The following MGAT5 variants were observed in gnomAD, a reference collection of about 807,000 sequenced individuals.
The protein encoded by MGAT5 is alpha-1,6-mannosylglycoprotein 6-beta-N-acetylglucosaminyltransferase, also known as alpha-1,6-mannosylglycoprotein 6-beta-N-acetylglucosaminyltransferase A.
Under a neutral mutation model 94.3 loss-of-function variants are expected in MGAT5, and 30 were observed. The observed-to-expected ratio is 0.32, with a 90% CI of 0.24 to 0.43. The LOEUF (loss-of-function observed/expected upper bound fraction) is 0.43. MGAT5 is among the 20% of genes least tolerant of loss of function. The pLI, the probability that MGAT5 is intolerant of heterozygous loss-of-function variation, is 1.00. For missense variants in MGAT5, 691 were observed against 905.5 expected (o/e 0.76, Z 3.04); for synonymous variants, 310 against 322.9 (o/e 0.96, Z 0.43).
At chr2:134,291,823 G>A (rs988756457) in intron 2 of MGAT5, among the ~76,000 whole-genome samples, 1 of 152,220 alleles carries the variant, frequency 6.6e-6, no homozygotes, top group South Asian at 2.1e-4. Flanking sequence ...TAAAGTTTGG[G>A]CCCTGCTAGA....
intron 10 of MGAT5, among the ~76,000 whole-genome samples, chr2:134,367,442 C>G (rs1680508719): frequency 6.6e-6 from 1 of 152,254 alleles, no homozygotes; most frequent in Non-Finnish European, 1.5e-5. Context: ...TTACATTTTA[C>G]TGGAACATGG....
chr2:134,182,790 T>TTTG (rs1558974334), intron 1 of MGAT5, among the ~76,000 whole-genome samples: 1 of 144,062 alleles, frequency 6.9e-6, no homozygotes, highest in African/African-American at 2.6e-5. Context: ...GTTTTTTTTT[T>TTTG]TTTTTTTTTT....
chr2:134,145,288 T>G (rs1006339991), intron 1 of MGAT5, among the ~76,000 whole-genome samples: 2 of 151,684 alleles, frequency 1.3e-5, no homozygotes, highest in Non-Finnish European at 2.9e-5. Flanking sequence ...GGCTCACGCC[T>G]GTAATCCCAG....
intron 1 of MGAT5, among the ~76,000 whole-genome samples, chr2:134,153,411 A>G (rs928851827): frequency 5.3e-5 from 8 of 152,088 alleles, no homozygotes; most frequent in African/African-American, 1.9e-4. Flanking sequence ...TCTCCTGACT[A>G]ACTGTTTTAA....
At chr2:134,121,845 AAGAGACTCCC>A (rs1685607525) in intron 1 of MGAT5, among the ~76,000 whole-genome samples, 1 of 152,132 alleles carries the variant, frequency 6.6e-6, no homozygotes, top group Non-Finnish European at 1.5e-5. Context: ...TTTTTACTCC[AAGAGACTCCC>A]CAGCGTTAAT....
intron 1 of MGAT5, among the ~76,000 whole-genome samples, chr2:134,175,068 A>C (rs74670115): frequency 1.3e-5 from 2 of 152,156 alleles, no homozygotes; most frequent in Non-Finnish European, 2.9e-5. Context: ...GGGCCAGCCC[A>C]TATCTCCCTA....
At chr2:134,387,887 A>T (rs1325034851) in intron 10 of MGAT5, among the ~76,000 whole-genome samples, 1 of 152,228 alleles carries the variant, frequency 6.6e-6, no homozygotes, top group East Asian at 1.9e-4. Context: ...CTAAGAATGG[A>T]GACCTCCAAT....
intron 2 of MGAT5, among the ~76,000 whole-genome samples, chr2:134,276,195 A>G (rs1422063760): frequency 1.0e-5 from 1 of 100,434 alleles, no homozygotes; most frequent in Non-Finnish European, 1.9e-5. Context: ...CACCTCATTT[A>G]GCTTTGCCAC....
intron 1 of MGAT5, 21 bp from the exon 2 acceptor site, chr2:134,270,365 T>A (rs372843703): frequency 1.9e-5 from 30 of 1,610,626 alleles, no homozygotes; most frequent in Non-Finnish European, 2.3e-5. Context: ...ATTTTAAAAT[T>A]GTCTGCACTT....
At chr2:134,439,023 C>T (rs187297213) in intron 14 of MGAT5, among the ~76,000 whole-genome samples, 24 of 152,278 alleles carry the variant, frequency 1.6e-4, no homozygotes, top group African/African-American at 5.8e-4. Context: ...ATCCCCTCAT[C>T]ATAGGAACAC....
At chr2:134,366,445 A>G (rs1680435527) in intron 10 of MGAT5, among the ~76,000 whole-genome samples, 1 of 152,230 alleles carries the variant, frequency 6.6e-6, no homozygotes, top group Non-Finnish European at 1.5e-5. Flanking sequence ...AATACAAGAT[A>G]ATACATGATC....
At chr2:134,223,533 A>C (rs1461568647) in intron 1 of MGAT5, among the ~76,000 whole-genome samples, 1 of 152,208 alleles carries the variant, frequency 6.6e-6, no homozygotes, top group African/African-American at 2.4e-5. Flanking sequence ...CACCAACTAA[A>C]AATGTGAAGA....
chr2:134,248,685 T>C (rs1466415378), intron 1 of MGAT5, among the ~76,000 whole-genome samples: 4 of 55,192 alleles, frequency 7.2e-5, no homozygotes, highest in Non-Finnish European at 1.5e-4. Flanking sequence ...AGCGCTGTCC[T>C]ATGTGAATGT....
At chr2:134,424,568 T>A (rs1684473763) in intron 13 of MGAT5, among the ~76,000 whole-genome samples, 1 of 152,154 alleles carries the variant, frequency 6.6e-6, no homozygotes, top group Non-Finnish European at 1.5e-5. Context: ...ACTACTGGAG[T>A]CATTCCTATG....
chr2:134,405,747 A>G (rs1408862011), intron 11 of MGAT5, among the ~76,000 whole-genome samples: 1 of 152,328 alleles, frequency 6.6e-6, no homozygotes, highest in African/African-American at 2.4e-5. Flanking sequence ...ATGCTTGATC[A>G]GCTTCTGACT....
intron 2 of MGAT5, among the ~76,000 whole-genome samples, chr2:134,305,277 CCT>C (rs1213419429): frequency 1.3e-5 from 2 of 152,128 alleles, no homozygotes; most frequent in African/African-American, 4.8e-5. Flanking sequence ...TTCTTGATCT[CCT>C]GTTAAGAGAA....
At chr2:134,238,526 C>T (rs1015329602) in intron 1 of MGAT5, among the ~76,000 whole-genome samples, 2 of 152,194 alleles carry the variant, frequency 1.3e-5, no homozygotes, top group African/African-American at 4.8e-5. Flanking sequence ...GTCAGGAGTT[C>T]AGCTATAAGA....
At chr2:134,368,236 G>A (rs1031989091) in intron 10 of MGAT5, among the ~76,000 whole-genome samples, 1 of 152,238 alleles carries the variant, frequency 6.6e-6, no homozygotes, top group African/African-American at 2.4e-5. Flanking sequence ...CAGAAGCCCT[G>A]AGCAAATACT....
At chr2:134,262,204 C>A (rs960617335) in intron 1 of MGAT5, among the ~76,000 whole-genome samples, 1 of 152,032 alleles carries the variant, frequency 6.6e-6, no homozygotes, top group Non-Finnish European at 1.5e-5. Context: ...TTAGATTATT[C>A]TTGTTCTTTT....
Sources: gnomAD v4.1 joint callset for allele counts (sites outside exome capture counted in the v4.1 genomes callset) on GRCh38, gnomAD v4.1.1 for gene constraint, MANE v1.5 for transcripts, NCBI Gene and HGNC (gene_info 2026-07-23, HGNC 2026-07-21) for gene names.